Variants in STK33 observed in about 807,000 individuals in gnomAD.
The protein encoded by STK33 is serine/threonine kinase 33, also known as serine/threonine-protein kinase 33.
In STK33, 52 loss-of-function variants were observed where a neutral mutation model predicts 58.0. The observed-to-expected ratio is 0.90, with a 90% CI of 0.72 to 1.13. STK33 has a LOEUF of 1.13. Ranked by LOEUF, STK33 falls within the 50% of genes most tolerant of loss-of-function variation. STK33 has a pLI of 0.00. For synonymous variants in STK33, 215 were observed against 200.1 expected (o/e 1.07, Z -0.63); for missense variants, 630 against 604.2 (o/e 1.04, Z -0.45).
At chr11:8,560,596 G>T (rs1186099082) in intron 1 of STK33, among the ~76,000 whole-genome samples, 1 of 151,928 alleles carries the variant, frequency 6.6e-6, no homozygotes, top group Non-Finnish European at 1.5e-5. Context: ...TTCTTTTGTG[G>T]TCACTAGGTT....
chr11:8,525,707 A>G (rs1256603471), intron 1 of STK33, among the ~76,000 whole-genome samples: 15 of 152,214 alleles, frequency 9.9e-5, no homozygotes, highest in Non-Finnish European at 2.2e-4. Context: ...AATAAAATGC[A>G]AAGACGATAA....
chr11:8,531,290 G>C (rs1591653347), intron 1 of STK33, among the ~76,000 whole-genome samples: 2 of 152,112 alleles, frequency 1.3e-5, no homozygotes, highest in South Asian at 2.1e-4. Context: ...AAGATACTAA[G>C]GCAATTATAA....
At chr11:8,411,935 G>A (rs1334932895) in intron 15 of STK33, among the ~76,000 whole-genome samples, 2 of 152,130 alleles carry the variant, frequency 1.3e-5, no homozygotes, top group Non-Finnish European at 2.9e-5. Context: ...CACATCATAA[G>A]TTTCATTAAT....
downstream of STK33, among the ~76,000 whole-genome samples, chr11:8,389,022 G>A (rs1230972747): frequency 6.6e-6 from 1 of 152,258 alleles, no homozygotes; most frequent in Non-Finnish European, 1.5e-5. Context: ...CAGGAACAAT[G>A]CAGCACTGAT....
chr11:8,382,850 C>G, the STK33 span, among the ~76,000 whole-genome samples: 1 of 152,214 alleles, frequency 6.6e-6, no homozygotes, highest in Admixed American at 6.5e-5. Flanking sequence ...TGGATAATCT[C>G]AGGGCTCTGT....
chr11:8,380,423 G>C, the STK33 span, among the ~76,000 whole-genome samples: 1 of 152,184 alleles, frequency 6.6e-6, no homozygotes, highest in East Asian at 1.9e-4. Context: ...AGCTTGGCAT[G>C]GTCATGGGCA....
intron 1 of STK33, among the ~76,000 whole-genome samples, chr11:8,483,381 T>C (rs1949976770): frequency 6.6e-6 from 1 of 152,090 alleles, no homozygotes; most frequent in South Asian, 2.1e-4. Flanking sequence ...AGAAGCACTT[T>C]CAGAAAAGAT....
intron 1 of STK33, among the ~76,000 whole-genome samples, chr11:8,569,090 A>G (rs1957631974): frequency 6.6e-6 from 1 of 152,240 alleles, no homozygotes; most frequent in South Asian, 2.1e-4. Flanking sequence ...GCATGAATTT[A>G]CCAAGGTTTA....
At chr11:8,500,788 A>T (rs1408561818) in intron 1 of STK33, among the ~76,000 whole-genome samples, 1 of 152,210 alleles carries the variant, frequency 6.6e-6, no homozygotes, top group Non-Finnish European at 1.5e-5. Context: ...AGCTTACTTC[A>T]AAACTATAGT....
the STK33 span, among the ~76,000 whole-genome samples, chr11:8,352,037 T>C: frequency 1.3e-5 from 2 of 152,252 alleles, no homozygotes; most frequent in Admixed American, 6.5e-5. Flanking sequence ...ACCTTCCCCA[T>C]TGCAACTGTC....
rs145296341 is a variant in STK33 at position 8,439,311 on chromosome 11, T to C, written c.947+1367A>G. Among the ~76,000 whole-genome samples, 4 of 152,166 alleles carry C rather than the reference T, an allele frequency of 2.6e-5. 1 individual carries two copies. The Middle Eastern group carries it at 0.01, about 388-fold the overall frequency. On this transcript the variant is annotated intron_variant, in intron 12 of 15. Transcript: ENST00000687296. ...TAGAACAAGGAAAACAGATACAATA[T>C]ATATAATATTATAATATGGTTTTTA...
chr11:8,359,811 A>T, the STK33 span, among the ~76,000 whole-genome samples: 2 of 152,260 alleles, frequency 1.3e-5, no homozygotes, highest in Non-Finnish European at 2.9e-5. Flanking sequence ...GTGGTCTAGC[A>T]GAACTTGCCT....
chr11:8,446,508 A>C (rs897162356), intron 11 of STK33, among the ~76,000 whole-genome samples: 6 of 152,068 alleles, frequency 3.9e-5, no homozygotes, highest in African/African-American at 1.4e-4. Flanking sequence ...TCCTATAGCC[A>C]AGACAATCCT....
chr11:8,335,832 A>G, the STK33 span, among the ~76,000 whole-genome samples: 2 of 152,240 alleles, frequency 1.3e-5, no homozygotes, highest in African/African-American at 4.8e-5. Flanking sequence ...TGAGTCACAG[A>G]AATCTAGCGT....
At chr11:8,356,446 G>A in the STK33 span, among the ~76,000 whole-genome samples, 7 of 152,146 alleles carry the variant, frequency 4.6e-5, no homozygotes, top group East Asian at 9.7e-4. Context: ...CCGACGGCTC[G>A]CCACTGTCAT....
rs1395086882 is a variant in STK33 at position 8,395,994 on chromosome 11, A to T, written c.1345-3284T>A. ...AACTAATACAGTCATCCATATTTTA[A>T]TTGAGCTCCAAAATCAGCCTAACGC... On this transcript the variant is annotated intron_variant, in intron 15 of 15. Coordinates refer to ENST00000687296, the MANE Select transcript of STK33 (RefSeq NM_001352389.2). Among the ~76,000 whole-genome samples, 5 of 152,300 alleles carry T rather than the reference A, an allele frequency of 3.3e-5. No individual in the cohort carries two copies. In the East Asian group the frequency reaches 7.7e-4, roughly 23 times the overall value.
intron 1 of STK33, among the ~76,000 whole-genome samples, chr11:8,490,100 G>A (rs375453843): frequency 1.5e-4 from 23 of 152,310 alleles, no homozygotes; most frequent in South Asian, 1.4e-3. Context: ...AGGGCGAGCC[G>A]AAGCAGGGCG....
chr11:8,551,132 T>G (rs1173834075), intron 1 of STK33, among the ~76,000 whole-genome samples: 5 of 152,044 alleles, frequency 3.3e-5, no homozygotes, highest in African/African-American at 1.2e-4. Flanking sequence ...TTATTCTGAA[T>G]AATTTTTTTT....
At chr11:8,419,661 A>G (rs1450905241) in intron 14 of STK33, among the ~76,000 whole-genome samples, 1 of 152,134 alleles carries the variant, frequency 6.6e-6, no homozygotes, top group Non-Finnish European at 1.5e-5. Context: ...GAATCTGTAA[A>G]CTGCTTTGGG....
Sources: gnomAD v4.1 joint callset for allele counts (sites outside exome capture counted in the v4.1 genomes callset) on GRCh38, gnomAD v4.1.1 for gene constraint, MANE v1.5 for transcripts, NCBI Gene and HGNC (gene_info 2026-07-23, HGNC 2026-07-21) for gene names.